PLPP1: variants seen among roughly 807,000 people sequenced by gnomAD.
PLPP1 encodes the protein phospholipid phosphatase 1.
A neutral mutation model predicts 31.2 loss-of-function variants in PLPP1; 24 were observed. That is an observed-to-expected ratio of 0.77 (90% CI 0.56 to 1.08). PLPP1 has a LOEUF of 1.08. PLPP1 is among the 50% of genes least tolerant of loss of function. The probability of loss-of-function intolerance (pLI) is 0.00; values close to 1 mark genes in which losing one functional copy is unlikely to be tolerated. For missense variants in PLPP1, 319 were observed against 342.7 expected (o/e 0.93, Z 0.55); for synonymous variants, 146 against 126.3 (o/e 1.16, Z -1.05).
intron 1 of PLPP1, among the ~76,000 whole-genome samples, chr5:55,492,694 A>T (rs1333891928): frequency 6.6e-6 from 1 of 152,204 alleles, no homozygotes; most frequent in East Asian, 1.9e-4. Flanking sequence ...TGTAGCCAAC[A>T]TGTATTGCAT....
chr5:55,498,104 T>C (rs146393155), intron 1 of PLPP1, among the ~76,000 whole-genome samples: 6 of 152,102 alleles, frequency 3.9e-5, no homozygotes, highest in Non-Finnish European at 7.4e-5. Flanking sequence ...TAATTCAAGA[T>C]AGATTAACAA....
At chr5:55,529,664 C>T (rs892252154) in intron 1 of PLPP1, among the ~76,000 whole-genome samples, 1 of 152,078 alleles carries the variant, frequency 6.6e-6, no homozygotes, top group Non-Finnish European at 1.5e-5. Context: ...TTGAATTTTT[C>T]AGCTAGAATC....
At chr5:55,437,522 A>T (rs1467449436) in intron 4 of PLPP1, among the ~76,000 whole-genome samples, 1 of 151,214 alleles carries the variant, frequency 6.6e-6, no homozygotes, top group Non-Finnish European at 1.5e-5. Context: ...CTGACCTTTC[A>T]CTGAAAAAAA....
intron 4 of PLPP1, among the ~76,000 whole-genome samples, chr5:55,427,396 GTT>G (rs768700178): frequency 1.5e-4 from 23 of 152,100 alleles, no homozygotes; most frequent in Admixed American, 1.3e-3. Context: ...CACACCAGCT[GTT>G]TAACTGAGTC....
chr5:55,471,509 A>G (rs960100990), intron 2 of PLPP1, among the ~76,000 whole-genome samples: 1 of 152,094 alleles, frequency 6.6e-6, no homozygotes, highest in Non-Finnish European at 1.5e-5. Context: ...CAGATCAAAC[A>G]GATTTTTATC....
At position 55,484,056 on chromosome 5, in the gene PLPP1, CAACTAGGCCTCA is replaced by C. The variant is rs1382328066; in HGVS notation, c.59-8618_59-8607del. Among the ~76,000 whole-genome samples, 11 of 152,226 alleles carry C rather than the reference CAACTAGGCCTCA, an allele frequency of 7.2e-5. No individual in the cohort carries two copies. The East Asian group carries it at 2.1e-3, about 29-fold the overall frequency. Reference sequence around the variant, plus strand: ...GTTAACCAGCTGTGAACCCTCTTCTCAACTAGGCCTCAACCTTGGCCTTTCATGTCAGCCTGT... The same window carrying C: ...GTTAACCAGCTGTGAACCCTCTTCTCACCTTGGCCTTTCATGTCAGCCTGT... On this transcript the variant is annotated intron_variant, in intron 1 of 5. Transcript: ENST00000307259.
At chr5:55,453,661 C>T (rs367883114) in intron 3 of PLPP1, among the ~76,000 whole-genome samples, 4 of 152,064 alleles carry the variant, frequency 2.6e-5, no homozygotes, top group African/African-American at 4.8e-5. Flanking sequence ...AGTCTTAGGC[C>T]GGATACCGTT....
chr5:55,467,543 T>TTAAAA (rs1554038741), intron 3 of PLPP1, among the ~76,000 whole-genome samples: 1 of 147,158 alleles, frequency 6.8e-6, no homozygotes, highest in Non-Finnish European at 1.5e-5. Flanking sequence ...TATAAAAATG[T>TTAAAA]AAAAAAAATT....
At chr5:55,504,380 G>C (rs1275393139) in intron 1 of PLPP1, among the ~76,000 whole-genome samples, 1 of 145,358 alleles carries the variant, frequency 6.9e-6, no homozygotes, top group South Asian at 2.2e-4. Context: ...AAAAAAGCCA[G>C]GGATGGTGGT....
At chr5:55,519,510 A>T (rs975585129) in intron 1 of PLPP1, among the ~76,000 whole-genome samples, 11 of 152,330 alleles carry the variant, frequency 7.2e-5, no homozygotes, top group African/African-American at 2.6e-4. Flanking sequence ...GCACTTTGGG[A>T]GGCCAAGGTG....
At position 55,534,904 on chromosome 5, in the gene PLPP1, C is replaced by T. The variant is rs201218519; in HGVS notation, c.-275G>A. On this transcript the variant is annotated 5_prime_UTR_variant, in exon 1 of 6. Coordinates refer to ENST00000307259, the MANE Select transcript of PLPP1 (RefSeq NM_003711.4). ...CCGCGGCAGCTCTGTAGCCTCAGGA[C>T]CTCCTCAGCCGGCACGGCCTGCCCC... 1.6e-3 allele frequency: 726 copies of T among 450,690 alleles called. 4 individuals are homozygous for T. The highest frequency in any genetic ancestry group is 0.014 in the African/African-American group (680 of 48,074). The allele number at this position is 450,690 out of a possible 1,614,324, so 27.9% of individuals were successfully genotyped here. A position where few individuals can be genotyped will look rare whatever the true frequency, so the allele number is the denominator to read the frequency against.
chr5:55,500,227 C>A (rs1203338434), intron 1 of PLPP1, among the ~76,000 whole-genome samples: 3 of 151,846 alleles, frequency 2.0e-5, no homozygotes, highest in Non-Finnish European at 4.4e-5. Flanking sequence ...CTACAGGCGC[C>A]CGCCACCACG....
At chr5:55,530,706 A>G in intron 1 of PLPP1, 3 of 1,578,492 alleles carry the variant, frequency 1.9e-6, no homozygotes, top group Non-Finnish European at 2.6e-6. Context: ...TCTCTCTTCT[A>G]GTCACATTTC....
intron 3 of PLPP1, among the ~76,000 whole-genome samples, chr5:55,446,616 A>G (rs1751771335): frequency 6.6e-6 from 1 of 152,194 alleles, no homozygotes; most frequent in Non-Finnish European, 1.5e-5. Context: ...TCTGAGGGGA[A>G]TCTTTGAGCC....
intron 1 of PLPP1, among the ~76,000 whole-genome samples, chr5:55,525,507 G>C (rs943468677): frequency 2.6e-5 from 4 of 152,068 alleles, no homozygotes; most frequent in Admixed American, 1.3e-4. Flanking sequence ...ATTTTTGTTT[G>C]TTTAAAAAAA....
At chr5:55,469,786 G>A (rs191150369) in intron 2 of PLPP1, among the ~76,000 whole-genome samples, 149 of 152,238 alleles carry the variant, frequency 9.8e-4, no homozygotes, top group Non-Finnish European at 1.8e-3. Context: ...TTCCTTACCT[G>A]GCTCAATGGC....
At chr5:55,428,809 T>C (rs895373107) in intron 4 of PLPP1, among the ~76,000 whole-genome samples, 1 of 152,232 alleles carries the variant, frequency 6.6e-6, no homozygotes, top group African/African-American at 2.4e-5. Flanking sequence ...CAACCTTATC[T>C]ATTAAACCCA....
intron 4 of PLPP1, among the ~76,000 whole-genome samples, chr5:55,439,778 G>A (rs1336744713): frequency 6.6e-6 from 1 of 152,058 alleles, no homozygotes. Flanking sequence ...AAGGGTCAAG[G>A]AAGAAGAGCA....
chr5:55,491,178 G>GT, intron 1 of PLPP1: 1 of 1,532,714 alleles, frequency 6.5e-7, no homozygotes, highest in Non-Finnish European at 8.8e-7. Flanking sequence ...AGGAAGTAAA[G>GT]TCTACTGAAT....
Sources: allele counts gnomAD v4.1 joint callset (sites outside exome capture counted in the v4.1 genomes callset), GRCh38; gene constraint gnomAD v4.1.1; transcripts MANE v1.5; gene names NCBI Gene and HGNC (gene_info 2026-07-23, HGNC 2026-07-21).